C1QTNF7: variants seen among roughly 807,000 people sequenced by gnomAD.
C1QTNF7 encodes complement C1q tumor necrosis factor-related protein 7.
A neutral mutation model predicts 19.6 loss-of-function variants in C1QTNF7; 15 were observed. The ratio of observed to expected loss-of-function variants is 0.76; its 90% confidence interval spans 0.51 to 1.18. The LOEUF (loss-of-function observed/expected upper bound fraction) is 1.18, where lower values mean the gene tolerates loss of function less well. Ranked by LOEUF, C1QTNF7 falls within the 50% of genes most tolerant of loss-of-function variation. The probability of loss-of-function intolerance (pLI) is 0.00; values close to 1 mark genes in which losing one functional copy is unlikely to be tolerated. For synonymous variants in C1QTNF7, 142 were observed against 137.5 expected, an observed-to-expected ratio of 1.03 and a Z score of -0.23; for missense variants, 324 against 359.7, an observed-to-expected ratio of 0.90 and a Z score of 0.80.
At chr4:15,433,043 A>T (rs924485011) in intron 1 of C1QTNF7, among the ~76,000 whole-genome samples, 1 of 152,144 alleles carries the variant, frequency 6.6e-6, no homozygotes, top group African/African-American at 2.4e-5. Context: ...TCACACCTGC[A>T]TCACCATGTC....
intron 1 of C1QTNF7, among the ~76,000 whole-genome samples, chr4:15,393,248 G>A (rs1023956287): frequency 7.2e-5 from 11 of 152,144 alleles, no homozygotes; most frequent in East Asian, 1.9e-4. Context: ...AGTCCATTAA[G>A]CCTCTTTTTC....
At chr4:15,354,163 G>C (rs1301555192) in intron 1 of C1QTNF7, among the ~76,000 whole-genome samples, 1 of 152,102 alleles carries the variant, frequency 6.6e-6, no homozygotes, top group Non-Finnish European at 1.5e-5. Flanking sequence ...GGATGAAAAG[G>C]GTCTGAAGGA....
chr4:15,427,129 G>A (rs1423517048), upstream of C1QTNF7, among the ~76,000 whole-genome samples: 2 of 152,150 alleles, frequency 1.3e-5, no homozygotes, highest in East Asian at 1.9e-4. Context: ...GTCAGAACGG[G>A]GAGCCCAGCA....
chr4:15,404,755 G>A (rs1719132421), intron 1 of C1QTNF7, among the ~76,000 whole-genome samples: 1 of 152,158 alleles, frequency 6.6e-6, no homozygotes, highest in Non-Finnish European at 1.5e-5. Context: ...GAACCAAACA[G>A]TCTGAGAGAG....
rs189035237 is a variant in C1QTNF7, at chr4:15,408,591, C to T, written c.14-27145C>T. ...AGAAGCTGCTTTGGTGGAATGATGA[C>T]GGTGGGAAGGGGCTAAACTATTGAC... On this transcript the variant is annotated intron_variant, in intron 1 of 2. Transcript: ENST00000295297. Among the ~76,000 whole-genome samples, 18 of 152,040 alleles carry T rather than the reference C, an allele frequency of 1.2e-4. No individual in the cohort carries two copies. The East Asian group carries it at 2.7e-3, about 23-fold the overall frequency.
intron 1 of C1QTNF7, among the ~76,000 whole-genome samples, chr4:15,409,726 A>G (rs895808576): frequency 6.6e-6 from 1 of 152,048 alleles, no homozygotes. Context: ...TGCCCACCCA[A>G]TGAGACACCC....
intron 1 of C1QTNF7, among the ~76,000 whole-genome samples, chr4:15,382,132 T>C (rs1413713076): frequency 1.3e-5 from 2 of 152,230 alleles, no homozygotes; most frequent in Non-Finnish European, 2.9e-5. Flanking sequence ...CGCTGTGATG[T>C]GAAATAAAGC....
chr4:15,392,172 G>A (rs1015275208), intron 1 of C1QTNF7, among the ~76,000 whole-genome samples: 3 of 152,168 alleles, frequency 2.0e-5, no homozygotes, highest in Non-Finnish European at 1.5e-5. Context: ...GAATTTAAAT[G>A]CTCTTCTGTC....
rs182476588 is a variant in C1QTNF7 at position 15,374,560 on chromosome 4, G to A, written c.13+34353G>A. 1,165 of 985,330 alleles carry A rather than the reference G, an allele frequency of 1.2e-3. 12 individuals are homozygous for A. The African/African-American group carries it at 0.019, about 16-fold the overall frequency. 61.0% of individuals were successfully genotyped at this position (985,330 alleles called of 1,614,324 possible). A position where few individuals can be genotyped will look rare whatever the true frequency, so the allele number is the denominator to read the frequency against. On this transcript the variant is annotated intron_variant, in intron 1 of 2. Transcript: ENST00000295297. ...GTAGGCCACAGCGTCATTGCACGCC[G>A]GGGTCCTTGCCCGCTCCCTCTCTCT...
chr4:15,364,739 T>C (rs1717451106), intron 1 of C1QTNF7, among the ~76,000 whole-genome samples: 1 of 152,086 alleles, frequency 6.6e-6, no homozygotes, highest in Non-Finnish European at 1.5e-5. Context: ...GGAGAAAAAA[T>C]ATATTTCCTG....
intron 1 of C1QTNF7, among the ~76,000 whole-genome samples, chr4:15,404,763 G>T (rs1464483768): frequency 1.3e-5 from 2 of 152,194 alleles, no homozygotes; most frequent in Non-Finnish European, 2.9e-5. Context: ...CAGTCTGAGA[G>T]AGAAAGCAAG....
In C1QTNF7 at chr4:15,442,333, T is replaced by C; in HGVS notation, c.404T>C (p.Leu135Pro). ...AGAGGAGAACAAGGGGACCCGGGGCTGCCTGGAGTTTGCAGATGTGGAAGC... is the reference window on the plus strand; with the variant it reads ...AGAGGAGAACAAGGGGACCCGGGGCCGCCTGGAGTTTGCAGATGTGGAAGC... ...GDRGEQGDPG[L>P]PGVCRCGSIV... is the part of the protein sequence containing the mutation. The change falls in exon 3 of 3, where the codon CTG (leucine) becomes CCG (proline). Residue 135 changes from leucine to proline, a missense_variant. Physicochemically the swap from Leu to Pro is moderately conservative, Grantham distance 98. Coordinates refer to ENST00000444304, the MANE Select transcript of C1QTNF7 (RefSeq NM_031911.5). 1.2e-6 allele frequency: 2 copies of C among 1,614,116 alleles called. No homozygotes were observed. The highest frequency in any genetic ancestry group is 1.7e-6 in the Non-Finnish European group (2 of 1,180,018).
intron 1 of C1QTNF7, among the ~76,000 whole-genome samples, chr4:15,404,822 A>C (rs1042213224): frequency 3.9e-5 from 6 of 152,230 alleles, no homozygotes; most frequent in African/African-American, 1.4e-4. Context: ...AACAGAACTC[A>C]TTCTTATATT....
intron 1 of C1QTNF7, among the ~76,000 whole-genome samples, chr4:15,373,378 T>C (rs1717802740): frequency 6.6e-6 from 1 of 152,224 alleles, no homozygotes; most frequent in African/African-American, 2.4e-5. Context: ...CACCTCTTAA[T>C]ATTATCACAT....
intron 2 of C1QTNF7, among the ~76,000 whole-genome samples, chr4:15,441,286 CAT>C (rs1183860003): frequency 6.6e-5 from 10 of 152,190 alleles, no homozygotes; most frequent in African/African-American, 2.4e-4. Flanking sequence ...TCAGCTTCCT[CAT>C]TTGCAATGAA....
Position 15,443,935 on chromosome 4 carries a change from A to G in C1QTNF7, c.*1136A>G, listed in dbSNP as rs1289458164. 1 of 152,240 alleles carries G rather than the reference A, an allele frequency of 6.6e-6. No individual in the cohort carries two copies. Among genetic ancestry groups the G allele is most frequent in the Non-Finnish European group, 1.5e-5 (1 of 68,040 alleles). 9.4% of individuals were successfully genotyped at this position (152,240 alleles called of 1,614,324 possible). On this transcript the variant is annotated 3_prime_UTR_variant, in exon 3 of 3. Transcript: ENST00000444304. ...GAGTAAGCTGATGAGAGCAATGAACAGGAGAAGGAGGGAGAGAGCCAAATG... is the reference window on the plus strand; with the variant it reads ...GAGTAAGCTGATGAGAGCAATGAACGGGAGAAGGAGGGAGAGAGCCAAATG...
intron 1 of C1QTNF7, among the ~76,000 whole-genome samples, chr4:15,355,952 G>A (rs1477453434): frequency 1.3e-5 from 2 of 151,986 alleles, no homozygotes; most frequent in Non-Finnish European, 2.9e-5. Flanking sequence ...CTAACTCCTG[G>A]GCTCAAACAC....
At chr4:15,374,875 T>A in intron 1 of C1QTNF7, 2 of 577,304 alleles carry the variant, frequency 3.5e-6, no homozygotes, top group Non-Finnish European at 4.4e-6. Flanking sequence ...CTCTCTCTTT[T>A]TTTTTATGAT....
chr4:15,387,563 G>T (rs1475273156), intron 1 of C1QTNF7, among the ~76,000 whole-genome samples: 1 of 152,196 alleles, frequency 6.6e-6, no homozygotes, highest in East Asian at 1.9e-4. Context: ...GACAAGAGAA[G>T]AAAGAGGGAG....
Sources: allele counts gnomAD v4.1 joint callset (sites outside exome capture counted in the v4.1 genomes callset), GRCh38; gene constraint gnomAD v4.1.1; transcripts MANE v1.5; gene names NCBI Gene and HGNC (gene_info 2026-07-23, HGNC 2026-07-21).